AP4M1: variants seen among roughly 807,000 people sequenced by gnomAD.
AP4M1 encodes the protein AP-4 complex subunit mu-1.
In AP4M1, 58 loss-of-function variants were observed where a neutral mutation model predicts 62.4. That is an observed-to-expected ratio of 0.93 (90% confidence interval 0.75 to 1.16). AP4M1 has a LOEUF of 1.16. Ranked by LOEUF, AP4M1 falls within the 50% of genes most tolerant of loss-of-function variation. AP4M1 has a pLI of 0.00. For synonymous variants in AP4M1, 290 were observed against 239.7 expected (o/e 1.21, Z -1.94); for missense variants, 626 against 585.4 (o/e 1.07, Z -0.72).
At chr7:100,103,986 C>T in intron 6 of AP4M1, 106 bp from the exon 7 acceptor site, 1 of 1,006,292 alleles carries the variant, frequency 9.9e-7, no homozygotes, top group Non-Finnish European at 1.6e-6. Flanking sequence ...CCCATGTCCT[C>T]ACCCTAGAGC....
rs556027280 is a variant in AP4M1, at chr7:100,103,743, G to T, written c.543+51G>T. 7 of 1,586,628 alleles carry T rather than the reference G, an allele frequency of 4.4e-6. No homozygotes were observed. In the African/African-American group the frequency reaches 8.0e-5, roughly 18 times the overall value. On this transcript the variant is annotated intron_variant, in intron 6 of 14. Coordinates refer to ENST00000359593, the MANE Select transcript of AP4M1 (RefSeq NM_004722.4). The stretch of plus-strand genomic sequence containing the variant: ...ACGCTCTGGTTTTGCTCTGGGATCC[G>T]GGAGTCCAAGATCTTAGGTCGGGCA...
upstream of AP4M1, chr7:100,101,476 G>A (rs979024502): frequency 3.6e-6 from 3 of 837,874 alleles, no homozygotes; most frequent in Non-Finnish European, 3.8e-6. Flanking sequence ...TTCACCTCCC[G>A]CTAGCCGCAA....
upstream of AP4M1, chr7:100,100,846 C>T: frequency 8.8e-6 from 9 of 1,018,652 alleles, no homozygotes; most frequent in Non-Finnish European, 9.4e-6. Context: ...GCAGCGGCCC[C>T]GGCCTGCCCG....
At chr7:100,101,394 A>T, upstream of AP4M1, 1 of 1,530,146 alleles carries the variant, frequency 6.5e-7, no homozygotes, top group Non-Finnish European at 9.0e-7. Flanking sequence ...GGCCAACCGA[A>T]ATTGGCGCGA....
rs918281849 is a variant in AP4M1, at chr7:100,101,965, C to T, written c.144C>T (p.Val48=). 6.2e-7 allele frequency: 1 copy of T among 1,613,258 alleles called. No individual in the cohort carries two copies. Among genetic ancestry groups the T allele is most frequent in the African/African-American group, 1.3e-5 (1 of 75,070 alleles). The change falls in exon 2 of 15, where the codon GTC becomes GTT. Residue 48 remains valine, a synonymous_variant. Coordinates refer to ENST00000359593, the MANE Select transcript of AP4M1 (RefSeq NM_004722.4). The stretch of plus-strand genomic sequence containing the variant: ...TGCCAGGAGACGAGTCCCCGGTTGT[C>T]ATGGTAACCAGTGGCGGGAGGCGGG... ...TGLPGDESPV[V]MHHHGRHFIH... is the part of the protein sequence containing the mutation.
At chr7:100,105,639 T>TG in intron 11 of AP4M1, 100 bp downstream of exon 11, 1 of 1,244,738 alleles carries the variant, frequency 8.0e-7, no homozygotes, top group Non-Finnish European at 1.1e-6. Flanking sequence ...GTAGTGGTGA[T>TG]GGAGTGCAAA....
chr7:100,108,621 G>T lies in AP4M1; in HGVS notation c.*1739G>T. On this transcript the variant is annotated 3_prime_UTR_variant, in exon 15 of 15. Coordinates refer to ENST00000359593, the MANE Select transcript of AP4M1 (RefSeq NM_004722.4). The stretch of plus-strand genomic sequence containing the variant: ...GAGGGAGGGCTGGTGACACTCTTGA[G>T]AAGAACCTTGGGGATGGGGTAAAAA... 4.1e-6 allele frequency: 6 copies of T among 1,473,294 alleles called. No individual in the cohort carries two copies. The highest frequency in any genetic ancestry group is 5.5e-6 in the Non-Finnish European group (6 of 1,096,690). 91.3% of individuals were successfully genotyped at this position (1,473,294 alleles called of 1,614,324 possible). A position where few individuals can be genotyped will look rare whatever the true frequency, so the allele number is the denominator to read the frequency against.
In AP4M1 at chr7:100,107,843, T is replaced by C; in HGVS notation, c.*961T>C. ...TCTTGACTTGGGGCCCAGAGGGGAC[T>C]GTGCTCTACTCCTGGGCCTCCCCAG... On this transcript the variant is annotated 3_prime_UTR_variant, in exon 15 of 15. Coordinates refer to ENST00000359593, the MANE Select transcript of AP4M1 (RefSeq NM_004722.4). The C allele has an allele frequency of 6.7e-7, 1 of 1,495,062 alleles. No individual in the cohort carries two copies. The highest frequency in any genetic ancestry group is 9.0e-7 in the Non-Finnish European group (1 of 1,111,054). The allele number at this position is 1,495,062 out of a possible 1,614,324, so 92.6% of individuals were successfully genotyped here.
chr7:100,102,032 C>T (rs910139895), intron 2 of AP4M1, 64 bp downstream of exon 2: 3 of 1,555,904 alleles, frequency 1.9e-6, no homozygotes, highest in Middle Eastern at 1.7e-4. Flanking sequence ...CGCCAGCTCC[C>T]TCCCAGGACT....
Position 100,107,724 on chromosome 7 carries a change from C to T in AP4M1, c.*842C>T, listed in dbSNP as rs1796688294. On this transcript the variant is annotated 3_prime_UTR_variant, in exon 15 of 15. Coordinates refer to ENST00000359593, the MANE Select transcript of AP4M1 (RefSeq NM_004722.4). ...TCGCTCCCTGCCTGAACAAGTTGTT[C>T]CTGTAGTTCACCCTGTAGACAGCTA... 3 of 1,381,358 alleles carry T rather than the reference C, an allele frequency of 2.2e-6. No homozygotes were observed. Among genetic ancestry groups the T allele is most frequent in the South Asian group, 1.4e-5 (1 of 71,786 alleles). The allele number at this position is 1,381,358 out of a possible 1,614,324, so 85.6% of individuals were successfully genotyped here.
intron 4 of AP4M1, 165 bp downstream of exon 4, chr7:100,103,125 G>C: frequency 1.5e-6 from 1 of 672,246 alleles, no homozygotes. Context: ...AGGCTGGACT[G>C]CAGTGGTGCA....
chr7:100,102,488 G>A lies in AP4M1; in HGVS notation c.148-187G>A. ...GCGTGACTCCATCCTCAGCAACTCG[G>A]GGTAGTTAGTGTAATTAACCCCCTT... On this transcript the variant is annotated intron_variant, in intron 2 of 14. Coordinates refer to ENST00000359593, the MANE Select transcript of AP4M1 (RefSeq NM_004722.4). 25 of 652,206 alleles carry A rather than the reference G, an allele frequency of 3.8e-5. No individual in the cohort carries two copies. In the South Asian group the frequency reaches 4.1e-4, roughly 11 times the overall value. The allele number at this position is 652,206 out of a possible 1,614,324, so 40.4% of individuals were successfully genotyped here. A position where few individuals can be genotyped will look rare whatever the true frequency, so the allele number is the denominator to read the frequency against.
intron 12 of AP4M1, 92 bp downstream of exon 12, chr7:100,106,095 C>T (rs903231916): frequency 6.3e-5 from 99 of 1,564,844 alleles, no homozygotes; most frequent in Non-Finnish European, 8.4e-5. Context: ...ATGCAGCTGC[C>T]AGCCTCAGAA....
rs1169414522 is a variant in AP4M1 at position 100,107,913 on chromosome 7, C to G, written c.*1031C>G. ...GGCCCTCCAGATGCTCCCTGTCCCA[C>G]AGCTCTGCATACCTGCTGGGTGGAT... On this transcript the variant is annotated 3_prime_UTR_variant, in exon 15 of 15. Transcript: ENST00000359593. The G allele has an allele frequency of 6.3e-7, 1 of 1,594,106 alleles. No individual in the cohort carries two copies. Among genetic ancestry groups the G allele is most frequent in the Non-Finnish European group, 8.6e-7 (1 of 1,167,870 alleles).
upstream of AP4M1, chr7:100,100,912 G>A: frequency 9.4e-7 from 1 of 1,060,656 alleles, no homozygotes; most frequent in Non-Finnish European, 1.2e-6. Context: ...ATGCCCAAAA[G>A]CGCGAAGGAA....
chr7:100,103,397 C>T lies in AP4M1; in HGVS notation c.352-12C>T, dbSNP rs1312514170. 6 of 1,610,132 alleles carry T rather than the reference C, an allele frequency of 3.7e-6. No homozygotes were observed. Among genetic ancestry groups the T allele is most frequent in the African/African-American group, 2.7e-5 (2 of 74,808 alleles). On this transcript the variant is annotated splice_polypyrimidine_tract_variant and intron_variant, in intron 4 of 14. Transcript: ENST00000359593. ...CCACTGATCACTCAGACTGTCCTTC[C>T]TTTACCACTAGGACTATGGCTATGT...
At position 100,106,195 on chromosome 7, in the gene AP4M1, G is replaced by A. The variant is rs4134934; in HGVS notation, c.975-46G>A. The A allele has an allele frequency of 2.2e-4, 358 of 1,609,282 alleles. No homozygotes were observed. The African/African-American group carries it at 4.0e-3, about 18-fold the overall frequency. On this transcript the variant is annotated intron_variant, in intron 12 of 14. Coordinates refer to ENST00000359593, the MANE Select transcript of AP4M1 (RefSeq NM_004722.4). The stretch of plus-strand genomic sequence containing the variant: ...TGACATTGAAGAGGAACAGGACAAG[G>A]GACTGTGCCTTCCTGGGGCTGACTT...
rs369454288 is a variant in AP4M1, at chr7:100,101,865, C to A, written c.59-15C>A. Reference sequence around the variant, plus strand: ...TGTGTCGCAGGATCCTTCACTGAGTCCTTCCACCCGCCAGTCCGCGGGGAC... The same window carrying A: ...TGTGTCGCAGGATCCTTCACTGAGTACTTCCACCCGCCAGTCCGCGGGGAC... On this transcript the variant is annotated splice_polypyrimidine_tract_variant and intron_variant, in intron 1 of 14. Transcript: ENST00000359593. The A allele has an allele frequency of 1.2e-6, 2 of 1,612,900 alleles. No individual in the cohort carries two copies. The highest frequency in any genetic ancestry group is 1.3e-5 in the African/African-American group (1 of 75,044).
rs1405565461 is a variant in AP4M1 at position 100,108,152 on chromosome 7, G to A, written c.*1270G>A. 2 of 1,568,902 alleles carry A rather than the reference G, an allele frequency of 1.3e-6. No homozygotes were observed. Among genetic ancestry groups the A allele is most frequent in the South Asian group, 1.2e-5 (1 of 86,646 alleles). The stretch of plus-strand genomic sequence containing the variant: ...CGGGGAGAAGAGGAAAGGGGGAAGT[G>A]GCACCATCTACTAAGAAGAGGAGTC... On this transcript the variant is annotated 3_prime_UTR_variant, in exon 15 of 15. Transcript: ENST00000359593.
Sources: gnomAD v4.1 joint callset for allele counts on GRCh38, gnomAD v4.1.1 for gene constraint, MANE v1.5 for transcripts, NCBI Gene and HGNC (gene_info 2026-07-23, HGNC 2026-07-21) for gene names.